The following CYP2C18 variants were observed in gnomAD, a reference collection of about 807,000 sequenced individuals.
The protein encoded by CYP2C18 is cytochrome P450 2C18.
CYP2C18 carries 38 observed loss-of-function variants against 41.3 expected under a neutral mutation model. That is an observed-to-expected ratio of 0.92 (90% CI 0.71 to 1.21). CYP2C18 has a LOEUF of 1.21. Among genes scored for constraint, CYP2C18 ranks in the 50% most tolerant of loss-of-function variants. The pLI is 0.00. For missense variants in CYP2C18, 635 were observed against 591.4 expected, an observed-to-expected ratio of 1.07 and a Z score of -0.77; for synonymous variants, 236 against 210.0, an observed-to-expected ratio of 1.12 and a Z score of -1.07.
intron 7 of CYP2C18, among the ~76,000 whole-genome samples, chr10:94,731,698 A>C (rs1030902008): frequency 3.9e-5 from 6 of 152,192 alleles, no homozygotes; most frequent in African/African-American, 1.4e-4. Context: ...AACAATGCTG[A>C]CAAAAAACAG....
intron 1 of CYP2C18, among the ~76,000 whole-genome samples, 157 bp from the exon 2 acceptor site, chr10:94,687,613 A>C (rs1329570759): frequency 4.6e-5 from 7 of 152,230 alleles, no homozygotes; most frequent in Non-Finnish European, 8.8e-5. Flanking sequence ...CTAAAACAAT[A>C]ATCATCATCT....
chr10:94,722,998 C>T (rs2134204832), intron 6 of CYP2C18, among the ~76,000 whole-genome samples: 1 of 152,070 alleles, frequency 6.6e-6, no homozygotes, highest in Middle Eastern at 3.4e-3. Context: ...AGACACCAGA[C>T]CATGGGGAAT....
Position 94,695,097 on chromosome 10 carries a change from T to C in CYP2C18, c.642+20T>C. The C allele has an allele frequency of 6.4e-7, 1 of 1,573,866 alleles. No homozygotes were observed. ...ATCCAGGTGAGATCAAGAGCTTCTC[T>C]TCCTGAGATATTATTTTTGTTATTT... On this transcript the variant is annotated intron_variant, in intron 4 of 8. Coordinates refer to ENST00000285979, the MANE Select transcript of CYP2C18 (RefSeq NM_000772.3).
At chr10:94,731,610 A>T (rs1261468430) in intron 7 of CYP2C18, among the ~76,000 whole-genome samples, 1 of 152,180 alleles carries the variant, frequency 6.6e-6, no homozygotes, top group African/African-American at 2.4e-5. Flanking sequence ...GTACTGGTAC[A>T]AAAACAGACA....
Position 94,724,639 on chromosome 10 carries a change from A to G in CYP2C18, c.1149+106A>G, listed in dbSNP as rs903316908. 61 of 1,124,812 alleles carry G rather than the reference A, an allele frequency of 5.4e-5. No individual in the cohort carries two copies. The Admixed American group carries it at 1.1e-3, about 21-fold the overall frequency. 69.7% of individuals were successfully genotyped at this position (1,124,812 alleles called of 1,614,324 possible). ...ACATGATGAGAGAAGTGTAAAATTC[A>G]TACGTGGGGCAGCTTTCTGGACTCT... On this transcript the variant is annotated intron_variant, in intron 7 of 8. Transcript: ENST00000285979.
intron 4 of CYP2C18, among the ~76,000 whole-genome samples, chr10:94,705,793 T>G (rs1448716779): frequency 6.6e-6 from 1 of 152,274 alleles, no homozygotes; most frequent in East Asian, 1.9e-4. Context: ...CTGGGAAAGA[T>G]AGATGATTTC....
intron 7 of CYP2C18, among the ~76,000 whole-genome samples, chr10:94,725,714 AT>A (rs1250536403): frequency 6.6e-6 from 1 of 152,120 alleles, no homozygotes; most frequent in Non-Finnish European, 1.5e-5. Context: ...ATCAATCGAT[AT>A]GGCCATATAT....
At position 94,712,008 on chromosome 10, in the gene CYP2C18, A is replaced by ATTTTTTTTTTTTTTTTTTTTTTTTTTTTT. The variant is rs35672164; in HGVS notation, c.819+5068_819+5069insTTTTTTTTTTTTTTTTTTTTTTTTTTTTT. Among the ~76,000 whole-genome samples, 150 of 97,836 alleles carry ATTTTTTTTTTTTTTTTTTTTTTTTTTTTT rather than the reference A, an allele frequency of 1.5e-3. 6 individuals are homozygous for ATTTTTTTTTTTTTTTTTTTTTTTTTTTTT. The highest frequency in any genetic ancestry group is 2.5e-3 in the East Asian group (7 of 2,842). The allele number at this position is 97,836 out of a possible 152,430, so 64.2% of individuals were successfully genotyped here. On this transcript the variant is annotated intron_variant, in intron 5 of 8. Transcript: ENST00000285979. Reference sequence around the variant, plus strand: ...AGGTGCATGCCACCATGCCCAACTAATTTTTTTTTTTTTTTTTTTTGTAGA... The same window carrying ATTTTTTTTTTTTTTTTTTTTTTTTTTTTT: ...AGGTGCATGCCACCATGCCCAACTAATTTTTTTTTTTTTTTTTTTTTTTTTTTTTTTTTTTTTTTTTTTTTTTTTGTAGA...
At chr10:94,721,004 CTCTTTCTT>C (rs750904086) in intron 6 of CYP2C18, among the ~76,000 whole-genome samples, 7 of 151,832 alleles carry the variant, frequency 4.6e-5, no homozygotes, top group South Asian at 2.1e-4. Flanking sequence ...AATAGATATG[CTCTTTCTT>C]TCTTTCTTTC....
chr10:94,712,378 A>G (rs987861468), intron 5 of CYP2C18, among the ~76,000 whole-genome samples: 3 of 150,192 alleles, frequency 2.0e-5, no homozygotes, highest in Non-Finnish European at 3.0e-5. Context: ...GGCAATCAGC[A>G]TTCTACTCTC....
intron 4 of CYP2C18, among the ~76,000 whole-genome samples, chr10:94,703,268 G>T (rs1847278605): frequency 6.6e-6 from 1 of 152,194 alleles, no homozygotes; most frequent in African/African-American, 2.4e-5. Context: ...GGGCTAGGCT[G>T]GGAGATCTGC....
intron 3 of CYP2C18, among the ~76,000 whole-genome samples, chr10:94,694,495 G>A (rs974077985): frequency 2.6e-5 from 4 of 152,084 alleles, no homozygotes; most frequent in Non-Finnish European, 4.4e-5. Flanking sequence ...TTATATAGAA[G>A]ATGTTTTCTG....
At chr10:94,685,979 G>C (rs893265443) in intron 1 of CYP2C18, among the ~76,000 whole-genome samples, 1 of 151,882 alleles carries the variant, frequency 6.6e-6, no homozygotes, top group East Asian at 1.9e-4. Flanking sequence ...TATTGCTTTG[G>C]GTAATATGGA....
intron 7 of CYP2C18, among the ~76,000 whole-genome samples, chr10:94,726,690 T>C (rs1175470349): frequency 2.0e-5 from 3 of 151,888 alleles, no homozygotes; most frequent in East Asian, 3.9e-4. Context: ...CATCAAAAAT[T>C]GACTGTAACC....
chr10:94,709,363 A>G (rs970157562), intron 5 of CYP2C18, among the ~76,000 whole-genome samples: 1 of 152,122 alleles, frequency 6.6e-6, no homozygotes, highest in Non-Finnish European at 1.5e-5. Flanking sequence ...CCTGACATCA[A>G]ATAATTTTCT....
At chr10:94,713,305 A>G (rs1039972932) in intron 5 of CYP2C18, among the ~76,000 whole-genome samples, 3 of 152,028 alleles carry the variant, frequency 2.0e-5, no homozygotes, top group Non-Finnish European at 4.4e-5. Flanking sequence ...TACATTAGGT[A>G]TATCTCTTAA....
At chr10:94,720,316 A>C in intron 5 of CYP2C18, 80 bp from the exon 6 acceptor site, 1 of 1,274,434 alleles carries the variant, frequency 7.8e-7, no homozygotes, top group Non-Finnish European at 1.1e-6. Flanking sequence ...TCTTTAGAAC[A>C]ACCTGATATA....
chr10:94,705,774 C>T (rs1221933554), intron 4 of CYP2C18, among the ~76,000 whole-genome samples: 1 of 152,060 alleles, frequency 6.6e-6, no homozygotes, highest in Non-Finnish European at 1.5e-5. Flanking sequence ...AGCATTGTGG[C>T]ATTAACATCT....
chr10:94,690,520 T>G (rs903414050), intron 3 of CYP2C18, among the ~76,000 whole-genome samples: 11 of 152,226 alleles, frequency 7.2e-5, no homozygotes, highest in African/African-American at 1.4e-4. Context: ...AATAACAGTC[T>G]CTGAAATTGA....
Sources: allele counts gnomAD v4.1 joint callset (sites outside exome capture counted in the v4.1 genomes callset), GRCh38; gene constraint gnomAD v4.1.1; transcripts MANE v1.5; gene names NCBI Gene and HGNC (gene_info 2026-07-23, HGNC 2026-07-21).